The following PRDM5 variants were observed in gnomAD, a reference collection of about 807,000 sequenced individuals.
PRDM5 encodes PR domain zinc finger protein 5.
PRDM5 carries 56 observed loss-of-function variants against 81.2 expected under a neutral mutation model. The ratio of observed to expected loss-of-function variants is 0.69; its 90% CI spans 0.56 to 0.86. The LOEUF is 0.86. PRDM5 is among the 40% of genes least tolerant of loss of function. The pLI is 0.00. For synonymous variants in PRDM5, 267 were observed against 256.4 expected (o/e 1.04, Z -0.39); for missense variants, 697 against 770.1 (o/e 0.91, Z 1.12).
Position 120,706,397 on chromosome 4 carries a change from AC to A in PRDM5, c.1728+3911del, listed in dbSNP as rs1278301540. Among the ~76,000 whole-genome samples, 5 of 152,180 alleles carry A rather than the reference AC, an allele frequency of 3.3e-5. No homozygotes were observed. In the East Asian group the frequency reaches 5.8e-4, roughly 18 times the overall value. ...TGACTTAGGGGAAAAGAGGTGTCCAACATGAGGCTCAGATATGTGATTTGGG... is the reference window on the plus strand; with the variant it reads ...TGACTTAGGGGAAAAGAGGTGTCCAAATGAGGCTCAGATATGTGATTTGGG... On this transcript the variant is annotated intron_variant, in intron 15 of 15. Coordinates refer to ENST00000264808, the MANE Select transcript of PRDM5 (RefSeq NM_018699.4).
intron 3 of PRDM5, among the ~76,000 whole-genome samples, chr4:120,835,266 G>C (rs1357368012): frequency 6.6e-6 from 1 of 152,168 alleles, no homozygotes; most frequent in African/African-American, 2.4e-5. Context: ...TGACGACAAA[G>C]AGCAGCACAG....
chr4:120,699,709 A>G (rs1357234728), intron 15 of PRDM5, among the ~76,000 whole-genome samples: 1 of 152,066 alleles, frequency 6.6e-6, no homozygotes, highest in East Asian at 1.9e-4. Flanking sequence ...ACATCTAACC[A>G]AGGTGGTGAA....
chr4:120,904,758 T>C (rs1765610155), intron 2 of PRDM5, among the ~76,000 whole-genome samples: 1 of 152,124 alleles, frequency 6.6e-6, no homozygotes, highest in Admixed American at 6.5e-5. Context: ...CCTTTTAAAA[T>C]AAAAATTATT....
chr4:120,711,069 T>G (rs1736910843), intron 14 of PRDM5, among the ~76,000 whole-genome samples: 2 of 152,214 alleles, frequency 1.3e-5, no homozygotes, highest in Non-Finnish European at 2.9e-5. Flanking sequence ...GGATGGTTGC[T>G]GTGATGTAAC....
At chr4:120,873,101 A>C (rs1253754215) in intron 2 of PRDM5, among the ~76,000 whole-genome samples, 2 of 152,134 alleles carry the variant, frequency 1.3e-5, no homozygotes, top group African/African-American at 4.8e-5. Flanking sequence ...TCATGGGTTC[A>C]AGCAATTCTC....
chr4:120,871,808 T>G (rs1042952909), intron 2 of PRDM5, among the ~76,000 whole-genome samples: 1 of 151,198 alleles, frequency 6.6e-6, no homozygotes, highest in South Asian at 2.1e-4. Context: ...TATAGAGGAA[T>G]TGGAACTTCT....
intron 2 of PRDM5, among the ~76,000 whole-genome samples, chr4:120,903,714 GT>G (rs929809704): frequency 6.6e-6 from 1 of 152,148 alleles, no homozygotes; most frequent in African/African-American, 2.4e-5. Flanking sequence ...CATTGGGGCA[GT>G]TTACCCAATA....
At chr4:120,910,755 T>C (rs1766413145) in intron 1 of PRDM5, among the ~76,000 whole-genome samples, 1 of 152,208 alleles carries the variant, frequency 6.6e-6, no homozygotes, top group Non-Finnish European at 1.5e-5. Context: ...AAATGAAGTA[T>C]ATACATGTGC....
chr4:120,793,958 A>G (rs1055783538), intron 10 of PRDM5, among the ~76,000 whole-genome samples: 1 of 152,220 alleles, frequency 6.6e-6, no homozygotes, highest in African/African-American at 2.4e-5. Flanking sequence ...AATAAGTAAA[A>G]AATATTGTTT....
chr4:120,904,307 C>T (rs777411211), intron 2 of PRDM5, among the ~76,000 whole-genome samples: 7 of 146,664 alleles, frequency 4.8e-5, no homozygotes, highest in Non-Finnish European at 5.9e-5. Context: ...GAAATGAAGA[C>T]GAGACCAAGA....
In PRDM5 at chr4:120,830,631, T is replaced by A. The variant is rs980602013; in HGVS notation, c.301-9286A>T. Among the ~76,000 whole-genome samples the A allele has an allele frequency of 2.0e-5, 3 of 152,046 alleles. No homozygotes were observed. In the South Asian group the frequency reaches 6.2e-4, roughly 31 times the overall value. The stretch of plus-strand genomic sequence containing the variant: ...AGTGACTTGAAATCAAGGAAAATAA[T>A]GTGAGGCAGAAAATGACAGATGTAT... On this transcript the variant is annotated intron_variant, in intron 3 of 15. Transcript: ENST00000264808.
chr4:120,890,002 A>G (rs1005700661), intron 2 of PRDM5, among the ~76,000 whole-genome samples: 1 of 152,168 alleles, frequency 6.6e-6, no homozygotes, highest in Non-Finnish European at 1.5e-5. Context: ...GCTGTGATGA[A>G]CATACGTGTG....
At position 120,887,586 on chromosome 4, in the gene PRDM5, C is replaced by T. The variant is rs147822207; in HGVS notation, c.177+19888G>A. Among the ~76,000 whole-genome samples, 757 of 152,278 alleles carry T rather than the reference C, an allele frequency of 5.0e-3. 6 individuals are homozygous for T. Among genetic ancestry groups the T allele is most frequent in the African/African-American group, 0.018 (728 of 41,542 alleles). ...ATTGCCTCTCTAATCCTACACACCA[C>T]TACTGGTCTCTCATCCACTAACCAT... On this transcript the variant is annotated intron_variant, in intron 2 of 15. Coordinates refer to ENST00000264808, the MANE Select transcript of PRDM5 (RefSeq NM_018699.4).
intron 7 of PRDM5, 86 bp downstream of exon 7, chr4:120,816,367 C>G (rs928764653): frequency 2.5e-6 from 4 of 1,608,254 alleles, no homozygotes; most frequent in South Asian, 1.1e-5. Context: ...AGCCAGCTCT[C>G]TCCTCAAGAG....
At chr4:120,817,048 C>T in intron 5 of PRDM5, 124 bp from the exon 6 acceptor site, 1 of 861,400 alleles carries the variant, frequency 1.2e-6, no homozygotes, top group Non-Finnish European at 1.9e-6. Flanking sequence ...TGTCTTTTGC[C>T]TTTTTAAATT....
intron 13 of PRDM5, among the ~76,000 whole-genome samples, chr4:120,759,470 C>G (rs149893283): frequency 3.9e-5 from 6 of 152,166 alleles, no homozygotes; most frequent in Non-Finnish European, 8.8e-5. Context: ...GTTACCTGTA[C>G]AGTCAACAGG....
At chr4:120,883,200 C>T (rs988337503) in intron 2 of PRDM5, among the ~76,000 whole-genome samples, 2 of 152,054 alleles carry the variant, frequency 1.3e-5, no homozygotes, top group Non-Finnish European at 2.9e-5. Context: ...CAATGTAAAG[C>T]AAACAGAATT....
intron 9 of PRDM5, 91 bp downstream of exon 9, chr4:120,799,570 C>T (rs1751821163): frequency 2.0e-6 from 3 of 1,528,214 alleles, no homozygotes; most frequent in Non-Finnish European, 2.6e-6. Context: ...ATAGCTAAGG[C>T]CCCTGATTAC....
intron 14 of PRDM5, among the ~76,000 whole-genome samples, chr4:120,732,292 T>C (rs554530465): frequency 1.3e-5 from 2 of 152,340 alleles, no homozygotes; most frequent in Non-Finnish European, 2.9e-5. Flanking sequence ...GTACATAGTA[T>C]ATAATGATCA....
Sources: allele counts gnomAD v4.1 joint callset (sites outside exome capture counted in the v4.1 genomes callset), GRCh38; gene constraint gnomAD v4.1.1; transcripts MANE v1.5; gene names NCBI Gene and HGNC (gene_info 2026-07-23, HGNC 2026-07-21).